Variants in GATAD1 observed in about 807,000 individuals in gnomAD.
GATAD1 encodes the protein GATA zinc finger domain-containing protein 1.
GATAD1 carries 12 observed loss-of-function variants against 26.5 expected under a neutral mutation model. That is an observed-to-expected ratio of 0.45 (90% CI 0.29 to 0.73). The LOEUF is 0.73. Ranked by LOEUF, GATAD1 falls within the 30% of genes least tolerant of loss-of-function variation. The pLI is 0.10. For missense variants in GATAD1, 266 were observed against 342.1 expected (o/e 0.78, Z 1.75); for synonymous variants, 129 against 133.1 (o/e 0.97, Z 0.21).
At chr7:92,452,927 G>A (rs557000338) in intron 3 of GATAD1, among the ~76,000 whole-genome samples, 1 of 152,318 alleles carries the variant, frequency 6.6e-6, no homozygotes, top group African/African-American at 2.4e-5. Context: ...TATACATGTG[G>A]ACAAACAAAC....
chr7:92,487,354 T>C, the GATAD1 span: 1 of 669,138 alleles, frequency 1.5e-6, no homozygotes, highest in Non-Finnish European at 2.7e-6. Context: ...TAACCAAATT[T>C]GTTAAATTAA....
chr7:92,460,756 A>G (rs769959494), downstream of GATAD1, among the ~76,000 whole-genome samples: 45 of 143,756 alleles, frequency 3.1e-4, no homozygotes, highest in African/African-American at 1.1e-3. Context: ...AGCCTGGGTG[A>G]TAGAAGTGAG....
the GATAD1 span, among the ~76,000 whole-genome samples, chr7:92,490,613 T>C: frequency 8.0e-6 from 1 of 125,740 alleles, no homozygotes; most frequent in African/African-American, 3.2e-5. Flanking sequence ...CTAGTCTGGA[T>C]GATAGAGTGA....
chr7:92,495,521 G>A, the GATAD1 span, among the ~76,000 whole-genome samples: 2 of 152,048 alleles, frequency 1.3e-5, no homozygotes, highest in Non-Finnish European at 2.9e-5. Flanking sequence ...CTCAGATTTT[G>A]TTTCTTTTTT....
the GATAD1 span, among the ~76,000 whole-genome samples, chr7:92,478,866 C>T: frequency 2.6e-5 from 4 of 152,226 alleles, no homozygotes; most frequent in Non-Finnish European, 5.9e-5. Flanking sequence ...TACCAAGTGT[C>T]ATGGCCCCCT....
chr7:92,468,607 A>G, the GATAD1 span: 1 of 552,056 alleles, frequency 1.8e-6, no homozygotes, highest in Non-Finnish European at 3.2e-6. Flanking sequence ...GGTGTGAGCT[A>G]AGTTGCAAGC....
rs1415903288 is a variant in GATAD1 at position 92,447,577 on chromosome 7, G to A, written c.-153G>A. 8.6e-6 allele frequency: 9 copies of A among 1,042,920 alleles called. No individual in the cohort carries two copies. Among genetic ancestry groups the A allele is most frequent in the Admixed American group, 8.9e-5 (2 of 22,364 alleles). The allele number at this position is 1,042,920 out of a possible 1,614,324, so 64.6% of individuals were successfully genotyped here. ...CCGCTTCCCGCCTCCACGGGGCAGC[G>A]CCAGCGGCCTGGTCCTTTCACCGGC... On this transcript the variant is annotated 5_prime_UTR_variant, in exon 1 of 5. Coordinates refer to ENST00000287957, the MANE Select transcript of GATAD1 (RefSeq NM_021167.5).
At chr7:92,494,318 C>T in the GATAD1 span, 1 of 1,613,662 alleles carries the variant, frequency 6.2e-7, no homozygotes, top group African/African-American at 1.3e-5. Flanking sequence ...ACAGTATACA[C>T]ATTTATCTAG....
the GATAD1 span, chr7:92,472,579 C>T: frequency 6.6e-6 from 1 of 152,246 alleles, no homozygotes; most frequent in African/African-American, 2.4e-5. Context: ...TGGAAAGCCA[C>T]TTCTACTTCA....
At chr7:92,466,332 A>AT in the GATAD1 span, among the ~76,000 whole-genome samples, 40 of 150,870 alleles carry the variant, frequency 2.7e-4, no homozygotes, top group East Asian at 6.8e-3. Flanking sequence ...ATGCCCAGCT[A>AT]TTTTTTTTTA....
chr7:92,495,346 A>G, the GATAD1 span, among the ~76,000 whole-genome samples: 2 of 152,182 alleles, frequency 1.3e-5, no homozygotes, highest in Non-Finnish European at 2.9e-5. Context: ...CTATCTCATT[A>G]AATGCATGGC....
chr7:92,490,072 C>CA, the GATAD1 span: 1 of 672,660 alleles, frequency 1.5e-6, no homozygotes, highest in Non-Finnish European at 2.6e-6. Context: ...AAAAGTTGTT[C>CA]ATCTTTTATA....
At chr7:92,490,348 A>C in the GATAD1 span, 311 of 219,172 alleles carry the variant, frequency 1.4e-3, no homozygotes, top group African/African-American at 6.9e-3. Flanking sequence ...TTAAAGTCTG[A>C]GTTAGGCTAG....
At position 92,457,449 on chromosome 7, in the gene GATAD1, A is replaced by G. The variant is rs1446797698; in HGVS notation, c.*887A>G. On this transcript the variant is annotated 3_prime_UTR_variant, in exon 5 of 5. Coordinates refer to ENST00000287957, the MANE Select transcript of GATAD1 (RefSeq NM_021167.5). ...ACTGCACTCCAGCCTGGGTGGACAG[A>G]GCAAGACTCCGTCTCAAAGAAACAA... The G allele has an allele frequency of 6.6e-5, 10 of 152,224 alleles. No individual in the cohort carries two copies. The highest frequency in any genetic ancestry group is 6.5e-4 in the Admixed American group (10 of 15,276). The allele number at this position is 152,224 out of a possible 1,614,324, so 9.4% of individuals were successfully genotyped here.
At position 92,449,189 on chromosome 7, in the gene GATAD1, A is replaced by T. The variant is rs1360254525; in HGVS notation, c.375+312A>T. 3.9e-6 allele frequency: 4 copies of T among 1,032,442 alleles called. No homozygotes were observed. In the East Asian group the frequency reaches 2.8e-4, roughly 71 times the overall value. 64.0% of individuals were successfully genotyped at this position (1,032,442 alleles called of 1,614,324 possible). ...GGTTCTCTATGGAAAGGAAGAGGAGAGATTATGGTTCTTGATATGGCCAGG... is the reference window on the plus strand; with the variant it reads ...GGTTCTCTATGGAAAGGAAGAGGAGTGATTATGGTTCTTGATATGGCCAGG... On this transcript the variant is annotated intron_variant, in intron 2 of 4. Coordinates refer to ENST00000287957, the MANE Select transcript of GATAD1 (RefSeq NM_021167.5).
At chr7:92,451,209 G>A (rs149644703) in intron 3 of GATAD1, among the ~76,000 whole-genome samples, 2 of 152,242 alleles carry the variant, frequency 1.3e-5, no homozygotes, top group African/African-American at 4.8e-5. Context: ...GCTGAGTAAG[G>A]GCAGTAGTGA....
chr7:92,487,165 C>T, the GATAD1 span: 237 of 198,590 alleles, frequency 1.2e-3, no homozygotes, highest in African/African-American at 4.9e-3. Flanking sequence ...ATTATCTTTT[C>T]CTCAAAAGAA....
At chr7:92,475,650 C>A in the GATAD1 span, among the ~76,000 whole-genome samples, 1 of 151,496 alleles carries the variant, frequency 6.6e-6, no homozygotes, top group Non-Finnish European at 1.5e-5. Flanking sequence ...TGTAGCAGTC[C>A]TGCACCCCTT....
intron 3 of GATAD1, among the ~76,000 whole-genome samples, chr7:92,452,865 T>C (rs962711705): frequency 2.6e-5 from 4 of 152,268 alleles, no homozygotes; most frequent in Non-Finnish European, 4.4e-5. Context: ...GTGTTATGCA[T>C]AGTAAGCCTA....
Sources: gnomAD v4.1 joint callset for allele counts (sites outside exome capture counted in the v4.1 genomes callset) on GRCh38, gnomAD v4.1.1 for gene constraint, MANE v1.5 for transcripts, NCBI Gene and HGNC (gene_info 2026-07-23, HGNC 2026-07-21) for gene names.